The following CCSER1 variants were observed in gnomAD, a reference collection of about 807,000 sequenced individuals.
CCSER1 encodes serine-rich coiled-coil domain-containing protein 1.
Under a neutral mutation model 82.0 loss-of-function variants are expected in CCSER1, and 41 were observed. The ratio of observed to expected loss-of-function variants is 0.50; its 90% confidence interval spans 0.39 to 0.65. The LOEUF is 0.65. Ranked by LOEUF, CCSER1 falls within the 30% of genes least tolerant of loss-of-function variation. The pLI is 0.00. For missense variants in CCSER1, 1,119 were observed against 1,064.2 expected (o/e 1.05, Z -0.72); for synonymous variants, 414 against 383.9 (o/e 1.08, Z -0.92).
intron 10 of CCSER1, among the ~76,000 whole-genome samples, chr4:91,145,932 G>A (rs1423641631): frequency 6.6e-6 from 1 of 151,974 alleles, no homozygotes; most frequent in African/African-American, 2.4e-5. Flanking sequence ...ATGTGTCTTG[G>A]GGATGTTCGT....
intron 3 of CCSER1, among the ~76,000 whole-genome samples, chr4:90,367,720 G>A (rs1046731750): frequency 2.0e-5 from 3 of 151,664 alleles, no homozygotes; most frequent in Non-Finnish European, 2.9e-5. Flanking sequence ...GACTGAAAAC[G>A]GAGTTGGTGA....
At chr4:90,574,658 C>A (rs1780532713) in intron 5 of CCSER1, among the ~76,000 whole-genome samples, 1 of 151,370 alleles carries the variant, frequency 6.6e-6, no homozygotes, top group Admixed American at 6.6e-5. Flanking sequence ...TACTGTGTAC[C>A]AGAACTCAGC....
At chr4:91,072,667 C>T (rs1721556647) in intron 9 of CCSER1, among the ~76,000 whole-genome samples, 1 of 152,016 alleles carries the variant, frequency 6.6e-6, no homozygotes, top group East Asian at 1.9e-4. Context: ...AAAAGTAGCT[C>T]TGTAATGAGA....
At chr4:91,410,428 T>G (rs896284246) in intron 10 of CCSER1, among the ~76,000 whole-genome samples, 5 of 152,202 alleles carry the variant, frequency 3.3e-5, no homozygotes, top group African/African-American at 7.2e-5. Context: ...TTTTAAAGGC[T>G]TCTTTTATGT....
rs555708787 is a variant in CCSER1 at position 90,928,219 on chromosome 4, A to ATT, written c.2172+4776_2172+4777dup. Among the ~76,000 whole-genome samples the ATT allele has an allele frequency of 1.3e-5, 2 of 152,026 alleles. 1 individual carries two copies. The highest frequency in any genetic ancestry group is 4.1e-4 in the South Asian group (2 of 4,832). On this transcript the variant is annotated intron_variant, in intron 9 of 10. Transcript: ENST00000509176. ...ATTCCAGGTTTGCTTATGGGCTATA[A>ATT]TTTTTCCCATTACATTAAAGATAAC...
chr4:90,213,846 C>A (rs1015416920), intron 1 of CCSER1, among the ~76,000 whole-genome samples: 3 of 151,920 alleles, frequency 2.0e-5, no homozygotes, highest in South Asian at 2.1e-4. Context: ...ATTGTGGTGA[C>A]AAAAACTTGA....
intron 5 of CCSER1, among the ~76,000 whole-genome samples, chr4:90,523,050 G>A (rs573428172): frequency 6.6e-6 from 1 of 152,048 alleles, no homozygotes; most frequent in African/African-American, 2.4e-5. Context: ...CATTAGATTA[G>A]GGACATTAAA....
In CCSER1 at chr4:90,626,485, A is replaced by G. The variant is rs76054474; in HGVS notation, c.1725-1540A>G. On this transcript the variant is annotated intron_variant, in intron 5 of 10. Coordinates refer to ENST00000509176, the MANE Select transcript of CCSER1 (RefSeq NM_001145065.2). Reference sequence around the variant, plus strand: ...ACTGTATAGTTCGTTGCAATTAGACATAATATAATTAAATTGAATCAATCG... The same window carrying G: ...ACTGTATAGTTCGTTGCAATTAGACGTAATATAATTAAATTGAATCAATCG... Among the ~76,000 whole-genome samples, 1,502 of 152,362 alleles carry G rather than the reference A, an allele frequency of 9.9e-3. 25 individuals carry two copies. Among genetic ancestry groups the G allele is most frequent in the African/African-American group, 0.035 (1,435 of 41,574 alleles).
chr4:91,521,095 T>C (rs1199067994), intron 10 of CCSER1, among the ~76,000 whole-genome samples: 1 of 152,184 alleles, frequency 6.6e-6, no homozygotes, highest in Non-Finnish European at 1.5e-5. Context: ...CCAGGTGTTC[T>C]CATTGTTCAC....
At chr4:91,263,356 T>A (rs566253914) in intron 10 of CCSER1, among the ~76,000 whole-genome samples, 1 of 152,174 alleles carries the variant, frequency 6.6e-6, no homozygotes, top group South Asian at 2.1e-4. Flanking sequence ...ACTTAAATTT[T>A]TGTAGCCTAC....
At chr4:90,922,814 T>C (rs546588533) in intron 8 of CCSER1, among the ~76,000 whole-genome samples, 1 of 152,262 alleles carries the variant, frequency 6.6e-6, no homozygotes, top group African/African-American at 2.4e-5. Context: ...AGTTTCGCAT[T>C]TGAAATATGA....
At chr4:90,795,536 A>G (rs1306941008) in intron 7 of CCSER1, among the ~76,000 whole-genome samples, 1 of 152,172 alleles carries the variant, frequency 6.6e-6, no homozygotes, top group African/African-American at 2.4e-5. Context: ...ACTATGTTGA[A>G]TAGGAGTGGT....
chr4:91,276,035 A>T (rs111965370), intron 10 of CCSER1, among the ~76,000 whole-genome samples: 1 of 152,042 alleles, frequency 6.6e-6, no homozygotes, highest in Admixed American at 6.5e-5. Flanking sequence ...TTTTGTACCA[A>T]TACCATTCTA....
intron 7 of CCSER1, chr4:90,780,544 TGAAAG>T (rs1274031615): frequency 2.4e-5 from 38 of 1,580,534 alleles, no homozygotes; most frequent in East Asian, 6.8e-5. Context: ...AAGTTGAAGA[TGAAAG>T]GAAAGAATAA....
chr4:91,496,617 C>CAATATATATTT (rs1758840263), intron 10 of CCSER1, among the ~76,000 whole-genome samples: 1 of 11,422 alleles, frequency 8.8e-5, no homozygotes, highest in African/African-American at 2.0e-4. Context: ...TATATATACA[C>CAATATATATTT]GAATATATAT....
intron 10 of CCSER1, among the ~76,000 whole-genome samples, chr4:91,551,184 T>C (rs1364581959): frequency 6.6e-6 from 1 of 152,144 alleles, no homozygotes; most frequent in African/African-American, 2.4e-5. Context: ...AAAAATAATA[T>C]ACTCTTCAAA....
Position 90,308,692 on chromosome 4 carries a change from AAG to A in CCSER1, c.409_410del (p.Arg137GlyfsTer7). On this transcript the variant is annotated frameshift_variant, in exon 2 of 11. Transcript: ENST00000509176. LOFTEE classifies it high-confidence loss of function. Reference sequence around the variant, plus strand: ...CAAGATCTTTGACAGAGGATTTTGAAAGGGAAAAAGAGCACTCAACTAACAAG... The same window carrying A: ...CAAGATCTTTGACAGAGGATTTTGAAGGAAAAAGAGCACTCAACTAACAAG... ...ITRSLTEDFE[R>X]EKEHSTNKNV... is the part of the protein sequence containing the mutation. 6.2e-7 allele frequency: 1 copy of A among 1,613,608 alleles called. No homozygotes were observed. Among genetic ancestry groups the A allele is most frequent in the Non-Finnish European group, 8.5e-7 (1 of 1,179,778 alleles).
At chr4:90,979,045 T>TTCTTCATATTTGG in intron 9 of CCSER1, among the ~76,000 whole-genome samples, 1 of 151,830 alleles carries the variant, frequency 6.6e-6, no homozygotes, top group East Asian at 1.9e-4. Flanking sequence ...CCAAGCACCC[T>TTCTTCATATTTGG]AAAACAAAAC....
intron 7 of CCSER1, among the ~76,000 whole-genome samples, chr4:90,779,393 A>G (rs1331098328): frequency 6.6e-6 from 1 of 152,018 alleles, no homozygotes; most frequent in African/African-American, 2.4e-5. Context: ...ATTATCTTAC[A>G]TAACGCTCAT....
Sources: allele counts gnomAD v4.1 joint callset (sites outside exome capture counted in the v4.1 genomes callset), GRCh38; gene constraint gnomAD v4.1.1; transcripts MANE v1.5; gene names NCBI Gene and HGNC (gene_info 2026-07-23, HGNC 2026-07-21).